The following OBI1 variants were observed in gnomAD, a reference collection of about 807,000 sequenced individuals.
OBI1 encodes the protein ring finger protein 219.
OBI1 carries 59 observed loss-of-function variants against 62.4 expected under a neutral mutation model. The ratio of observed to expected loss-of-function variants is 0.95; its 90% CI spans 0.77 to 1.17. OBI1 has a LOEUF of 1.17. OBI1 is among the 50% of genes most tolerant of loss of function. OBI1 has a pLI of 0.00. For synonymous variants in OBI1, 302 were observed against 292.8 expected (o/e 1.03, Z -0.32); for missense variants, 875 against 830.9 (o/e 1.05, Z -0.65).
rs1482106254 is a variant in OBI1 at position 78,615,779 on chromosome 13, C to T, written c.1982G>A (p.Arg661Gln). 1.1e-5 allele frequency: 18 copies of T among 1,613,674 alleles called. No individual in the cohort carries two copies. Among genetic ancestry groups the T allele is most frequent in the Admixed American group, 1.7e-5 (1 of 59,934 alleles). ...CCCAAATCTTTGATCTTCAAATAGT[C>T]GATGTGAACTGCTTAACAAAATGCC... ...SQGILLSSSH[R>Q]LFEDQRFGSS... Residue 661 changes from arginine to glutamine, a missense_variant, in exon 6 of 6, where the codon CGA (arginine) becomes CAA (glutamine). Arg to Gln is a conservative substitution (Grantham distance 43). Transcript: ENST00000282003.
chr13:78,648,129 T>C (rs890909430), intron 1 of OBI1, among the ~76,000 whole-genome samples: 9 of 152,286 alleles, frequency 5.9e-5, no homozygotes, highest in Admixed American at 3.9e-4. Context: ...AGGTTCTATT[T>C]TTTTTCTTAA....
At chr13:78,639,369 T>C (rs1355184052) in intron 3 of OBI1, among the ~76,000 whole-genome samples, 1 of 152,142 alleles carries the variant, frequency 6.6e-6, no homozygotes, top group Non-Finnish European at 1.5e-5. Context: ...GGTGGAGAAA[T>C]AGGAACACTT....
At chr13:78,644,801 T>C in intron 2 of OBI1, 61 bp downstream of exon 2, 20 of 1,549,272 alleles carry the variant, frequency 1.3e-5, no homozygotes, top group Non-Finnish European at 1.8e-5. Flanking sequence ...TTCCTCGAAA[T>C]ATAAATTATT....
At chr13:78,655,794 G>A (rs896154099) in intron 1 of OBI1, among the ~76,000 whole-genome samples, 2 of 152,182 alleles carry the variant, frequency 1.3e-5, no homozygotes, top group East Asian at 1.9e-4. Flanking sequence ...AGCTAGGCAC[G>A]AAGGACCTTA....
chr13:78,624,087 C>T (rs902575984), intron 5 of OBI1, among the ~76,000 whole-genome samples: 1 of 152,084 alleles, frequency 6.6e-6, no homozygotes, highest in Non-Finnish European at 1.5e-5. Flanking sequence ...TCTTCAACTA[C>T]AAGTAAAAGA....
intron 1 of OBI1, among the ~76,000 whole-genome samples, chr13:78,646,882 T>C (rs1039272068): frequency 1.3e-5 from 2 of 152,358 alleles, no homozygotes; most frequent in African/African-American, 4.8e-5. Flanking sequence ...TTTTGACCTG[T>C]ACCCTGAACA....
At position 78,635,141 on chromosome 13, in the gene OBI1, TCA is replaced by T; in HGVS notation, c.605_606del (p.Leu202GlnfsTer3). ...GGTGATCTGTTATCAACTTCAGCCT[TCA>T]GTCGTAAATTCTCCCTCACCAGACC... ...NGGLVRENLR[L>X]KAEVDNRSPQ... On this transcript the variant is annotated frameshift_variant, in exon 5 of 6. Transcript: ENST00000282003. LOFTEE classifies it high-confidence loss of function. The T allele has an allele frequency of 6.2e-7, 1 of 1,611,038 alleles. No homozygotes were observed. Among genetic ancestry groups the T allele is most frequent in the Non-Finnish European group, 8.5e-7 (1 of 1,178,086 alleles).
intron 5 of OBI1, among the ~76,000 whole-genome samples, chr13:78,624,806 A>C (rs1025852112): frequency 6.6e-6 from 1 of 152,126 alleles, no homozygotes; most frequent in African/African-American, 2.4e-5. Context: ...CATGCTGGCC[A>C]ATTTCACCCT....
intron 2 of OBI1, 67 bp downstream of exon 2, chr13:78,644,795 T>C (rs1255216845): frequency 1.3e-6 from 2 of 1,531,204 alleles, no homozygotes; most frequent in African/African-American, 2.7e-5. Flanking sequence ...TCAGTCTTCC[T>C]CGAAATATAA....
intron 4 of OBI1, among the ~76,000 whole-genome samples, chr13:78,637,135 C>T (rs960711988): frequency 6.6e-6 from 1 of 152,218 alleles, no homozygotes; most frequent in Non-Finnish European, 1.5e-5. Context: ...GTTCAAAACT[C>T]ACCCATTCCA....
Position 78,616,772 on chromosome 13 carries a change from C to A in OBI1, c.989G>T (p.Ser330Ile). 1 of 1,614,212 alleles carries A rather than the reference C, an allele frequency of 6.2e-7. No individual in the cohort carries two copies. The highest frequency in any genetic ancestry group is 8.5e-7 in the Non-Finnish European group (1 of 1,180,032). ...ACAGTTAAGGTCTGCTTTGCTGGTA[C>A]TTTCCTGCCTTGCAGAACTGGTGTC... The part of the protein sequence containing the change: ...LCDTSSARQE[S>I]TSKADLNCSK... Residue 330 changes from serine (S) to isoleucine (I), a missense_variant, in exon 6 of 6, where the codon AGT becomes ATT. Ser to Ile is a moderately radical substitution (Grantham distance 142, BLOSUM62 -2). Coordinates refer to ENST00000282003, the MANE Select transcript of OBI1 (RefSeq NM_024546.4).
intron 5 of OBI1, among the ~76,000 whole-genome samples, chr13:78,623,475 CA>C (rs1474422856): frequency 6.6e-6 from 1 of 152,090 alleles, no homozygotes; most frequent in Admixed American, 6.5e-5. Context: ...ATCCTCATAT[CA>C]ACTTTATGAA....
chr13:78,656,725 T>A (rs1876712745), intron 1 of OBI1, among the ~76,000 whole-genome samples: 1 of 19,436 alleles, frequency 5.1e-5, no homozygotes, highest in Non-Finnish European at 9.2e-5. Flanking sequence ...GCTTCCATGG[T>A]ACCTGGGGGG....
chr13:78,641,937 C>A (rs1383104587), intron 3 of OBI1, among the ~76,000 whole-genome samples, 185 bp downstream of exon 3: 1 of 151,232 alleles, frequency 6.6e-6, no homozygotes, highest in Non-Finnish European at 1.5e-5. Flanking sequence ...AACAAAAAAT[C>A]TCTTTCCTCT....
chr13:78,620,727 T>A (rs1875482540), intron 5 of OBI1: 4 of 441,382 alleles, frequency 9.1e-6, no homozygotes, highest in South Asian at 4.9e-5. Context: ...ACCTTTGAGG[T>A]GGTATAACTA....
chr13:78,629,884 G>T (rs893821672), intron 5 of OBI1, among the ~76,000 whole-genome samples: 5 of 152,118 alleles, frequency 3.3e-5, no homozygotes, highest in Non-Finnish European at 2.9e-5. Flanking sequence ...GTAGAGAGAT[G>T]TAAAAATTAC....
chr13:78,646,567 C>G (rs894234626), intron 1 of OBI1, among the ~76,000 whole-genome samples: 2 of 152,034 alleles, frequency 1.3e-5, no homozygotes, highest in Admixed American at 1.3e-4. Context: ...TTCAATATTT[C>G]CCTAATAGTA....
chr13:78,638,128 C>T (rs1204323949), intron 4 of OBI1, among the ~76,000 whole-genome samples: 1 of 152,182 alleles, frequency 6.6e-6, no homozygotes, highest in African/African-American at 2.4e-5. Context: ...AAAGGCTGAT[C>T]ACTTGGGTCA....
In OBI1 at chr13:78,616,776, C is replaced by T. The variant is rs773012791; in HGVS notation, c.985G>A (p.Glu329Lys). The change falls in exon 6 of 6, where the codon GAA (glutamate) becomes AAA (lysine). Residue 329 changes from glutamate to lysine, a missense_variant. Transcript: ENST00000282003. ...RLCDTSSARQ[E>K]STSKADLNCS... Reference sequence around the variant, plus strand: ...TTAAGGTCTGCTTTGCTGGTACTTTCCTGCCTTGCAGAACTGGTGTCACAC... The same window carrying T: ...TTAAGGTCTGCTTTGCTGGTACTTTTCTGCCTTGCAGAACTGGTGTCACAC... The T allele has an allele frequency of 1.2e-6, 2 of 1,614,178 alleles. No individual in the cohort carries two copies. The highest frequency in any genetic ancestry group is 1.7e-6 in the Non-Finnish European group (2 of 1,180,016).
Sources: allele counts gnomAD v4.1 joint callset (sites outside exome capture counted in the v4.1 genomes callset), GRCh38; gene constraint gnomAD v4.1.1; transcripts MANE v1.5; gene names NCBI Gene and HGNC (gene_info 2026-07-23, HGNC 2026-07-21).